The following SUGCT variants were observed in gnomAD, a reference collection of about 807,000 sequenced individuals.
SUGCT encodes succinyl-CoA:glutarate-CoA transferase.
SUGCT carries 41 observed loss-of-function variants against 55.0 expected under a neutral mutation model. The ratio of observed to expected loss-of-function variants is 0.74; its 90% confidence interval spans 0.58 to 0.97. The LOEUF (loss-of-function observed/expected upper bound fraction) is 0.97, where lower values mean the gene tolerates loss of function less well. Ranked by LOEUF, SUGCT falls within the 50% of genes least tolerant of loss-of-function variation. The pLI, the probability that SUGCT is intolerant of heterozygous loss-of-function variation, is 0.00. For synonymous variants in SUGCT, 187 were observed against 200.4 expected, an observed-to-expected ratio of 0.93 and a Z score of 0.56; for missense variants, 568 against 547.8, an observed-to-expected ratio of 1.04 and a Z score of -0.37.
chr7:40,468,575 T>C lies in SUGCT; in HGVS notation c.986+9377T>C, dbSNP rs559372581. Among the ~76,000 whole-genome samples the C allele has an allele frequency of 2.0e-5, 3 of 152,312 alleles. No individual in the cohort carries two copies. The South Asian group carries it at 6.2e-4, about 32-fold the overall frequency. On this transcript the variant is annotated intron_variant, in intron 11 of 13. Transcript: ENST00000335693. Reference sequence around the variant, plus strand: ...GCATGAAGGCTTTATTGAGCACAAGTTTTCTTAGAGAACAGGGAGGATTTT... The same window carrying C: ...GCATGAAGGCTTTATTGAGCACAAGCTTTCTTAGAGAACAGGGAGGATTTT...
chr7:40,770,331 G>A (rs749456298), intron 13 of SUGCT, among the ~76,000 whole-genome samples: 10 of 152,172 alleles, frequency 6.6e-5, no homozygotes, highest in Non-Finnish European at 1.3e-4. Flanking sequence ...GAGGCGGGCA[G>A]TTCAGCGCTG....
intron 7 of SUGCT, among the ~76,000 whole-genome samples, chr7:40,268,278 C>T (rs1474859488): frequency 1.3e-5 from 2 of 152,294 alleles, no homozygotes; most frequent in South Asian, 2.1e-4. Flanking sequence ...TCCGCCCAGC[C>T]CCTGGCTAAT....
intron 9 of SUGCT, among the ~76,000 whole-genome samples, chr7:40,384,467 G>T (rs1785016783): frequency 6.6e-6 from 1 of 152,086 alleles, no homozygotes; most frequent in South Asian, 2.1e-4. Flanking sequence ...TTAGATCACA[G>T]GTTCCCTGTG....
intron 12 of SUGCT, among the ~76,000 whole-genome samples, chr7:40,691,824 T>C (rs1264523997): frequency 6.6e-6 from 1 of 152,126 alleles, no homozygotes; most frequent in African/African-American, 2.4e-5. Context: ...AGGAATGGCA[T>C]GGAGTTTGGG....
chr7:40,750,934 A>G (rs1787982222), intron 13 of SUGCT, among the ~76,000 whole-genome samples: 1 of 152,190 alleles, frequency 6.6e-6, no homozygotes, highest in Non-Finnish European at 1.5e-5. Context: ...AAAATACAAA[A>G]ATAAACCAGA....
the SUGCT span, among the ~76,000 whole-genome samples, chr7:41,000,879 C>G: frequency 6.6e-6 from 1 of 152,054 alleles, no homozygotes; most frequent in Non-Finnish European, 1.5e-5. Flanking sequence ...AGGGATAACT[C>G]TTAGGTTTTT....
At chr7:40,378,520 T>A (rs1041374351) in intron 9 of SUGCT, among the ~76,000 whole-genome samples, 3 of 152,206 alleles carry the variant, frequency 2.0e-5, no homozygotes, top group African/African-American at 7.2e-5. Flanking sequence ...TCACCTAGGC[T>A]GGAGTGCAGT....
At chr7:40,685,500 GCATCTTTATCC>G (rs1365516352) in intron 12 of SUGCT, among the ~76,000 whole-genome samples, 1 of 152,140 alleles carries the variant, frequency 6.6e-6, no homozygotes, top group African/African-American at 2.4e-5. Flanking sequence ...GATTTTGCAT[GCATCTTTATCC>G]CATCTTTATC....
chr7:40,299,196 G>C (rs1266043850), intron 8 of SUGCT, among the ~76,000 whole-genome samples: 1 of 152,118 alleles, frequency 6.6e-6, no homozygotes, highest in East Asian at 1.9e-4. Flanking sequence ...GCTTAACTAT[G>C]CCAGACGGGT....
chr7:40,223,974 G>T (rs1025053918), intron 6 of SUGCT, among the ~76,000 whole-genome samples: 2 of 152,172 alleles, frequency 1.3e-5, no homozygotes, highest in African/African-American at 4.8e-5. Flanking sequence ...CCTTTCACAG[G>T]CTGACGTAGT....
chr7:40,602,597 T>C (rs1373993603), intron 12 of SUGCT, among the ~76,000 whole-genome samples: 1 of 152,206 alleles, frequency 6.6e-6, no homozygotes, highest in Non-Finnish European at 1.5e-5. Flanking sequence ...TTTGCCAACA[T>C]CCTGCTTTCA....
intron 7 of SUGCT, among the ~76,000 whole-genome samples, chr7:40,238,116 G>A (rs967939807): frequency 2.6e-5 from 4 of 152,106 alleles, no homozygotes; most frequent in African/African-American, 9.7e-5. Flanking sequence ...ACTAGACCAC[G>A]GATGTCCATT....
chr7:40,296,803 G>A (rs1794180921), intron 8 of SUGCT, among the ~76,000 whole-genome samples: 1 of 151,908 alleles, frequency 6.6e-6, no homozygotes, highest in Non-Finnish European at 1.5e-5. Flanking sequence ...CGAGCTTATT[G>A]TTGAACCCAC....
At chr7:40,445,656 C>G (rs1788789677) in intron 9 of SUGCT, among the ~76,000 whole-genome samples, 1 of 152,156 alleles carries the variant, frequency 6.6e-6, no homozygotes, top group Non-Finnish European at 1.5e-5. Context: ...ATGAGGCCAG[C>G]ATCATCCTGA....
At chr7:40,147,439 G>T (rs923448798) in intron 1 of SUGCT, among the ~76,000 whole-genome samples, 4 of 152,082 alleles carry the variant, frequency 2.6e-5, no homozygotes, top group Admixed American at 1.3e-4. Flanking sequence ...ACATCCTGTG[G>T]CTTTCTTTCC....
intron 7 of SUGCT, among the ~76,000 whole-genome samples, chr7:40,268,332 G>C (rs555206238): frequency 6.6e-6 from 1 of 152,274 alleles, no homozygotes; most frequent in African/African-American, 2.4e-5. Flanking sequence ...GACAGTTCAC[G>C]TAAATGGAAT....
chr7:40,418,066 A>G (rs1450329197), intron 9 of SUGCT, among the ~76,000 whole-genome samples: 1 of 152,134 alleles, frequency 6.6e-6, no homozygotes, highest in Non-Finnish European at 1.5e-5. Flanking sequence ...ACAGCCCTAA[A>G]TTTTTACACA....
the SUGCT span, among the ~76,000 whole-genome samples, chr7:40,971,959 C>T: frequency 1.3e-5 from 2 of 151,980 alleles, no homozygotes; most frequent in African/African-American, 4.8e-5. Context: ...TAAGAAACCT[C>T]ATAGATGAGA....
chr7:40,249,315 A>ATCTATATCTATATATCTATATATATC (rs1314961773), intron 7 of SUGCT, among the ~76,000 whole-genome samples: 7 of 33,516 alleles, frequency 2.1e-4, no homozygotes. Context: ...CCAAAAAGCT[A>ATCTATATCTATATATCTATATATATC]TATATATATA....
Sources: allele counts gnomAD v4.1 joint callset (sites outside exome capture counted in the v4.1 genomes callset), GRCh38; gene constraint gnomAD v4.1.1; transcripts MANE v1.5; gene names NCBI Gene and HGNC (gene_info 2026-07-23, HGNC 2026-07-21).